The following PLA2G12B variants were observed in gnomAD, a reference collection of about 807,000 sequenced individuals.
PLA2G12B encodes group XIIB secretory phospholipase A2-like protein.
PLA2G12B carries 19 observed loss-of-function variants against 22.3 expected under a neutral mutation model. That is an observed-to-expected ratio of 0.85 (90% CI 0.60 to 1.25). The LOEUF is 1.25. PLA2G12B is among the 50% of genes most tolerant of loss of function. PLA2G12B has a pLI of 0.00. For missense variants in PLA2G12B, 191 were observed against 246.6 expected (o/e 0.77, Z 1.51); for synonymous variants, 81 against 94.9 (o/e 0.85, Z 0.85).
chr10:72,951,321 A>G (rs1258403230), intron 1 of PLA2G12B, among the ~76,000 whole-genome samples: 1 of 152,136 alleles, frequency 6.6e-6, no homozygotes, highest in Non-Finnish European at 1.5e-5. Context: ...TGGTTCAAAG[A>G]CTACCCATTA....
intron 3 of PLA2G12B, among the ~76,000 whole-genome samples, chr10:72,936,123 C>A (rs1334576662): frequency 6.6e-6 from 1 of 152,094 alleles, no homozygotes; most frequent in Admixed American, 6.6e-5. Flanking sequence ...TTTCACTGTT[C>A]AAGTATTGGA....
chr10:72,942,682 G>C lies in PLA2G12B; in HGVS notation c.270C>G (p.Ser90=). The C allele has an allele frequency of 6.2e-7, 1 of 1,607,948 alleles. No homozygotes were observed. The highest frequency in any genetic ancestry group is 8.5e-7 in the Non-Finnish European group (1 of 1,177,344). The part of the protein sequence containing the change: ...YKPQEPNGCG[S]YFLGLKVPES... ...CTGGTACCTTGAGACCCAGGAAATA[G>C]GAGCCGCAGCCATTGGGCTCTTGGG... is the stretch of plus-strand genomic sequence containing the variant. Residue 90 remains serine, a synonymous_variant, in exon 2 of 4, where the codon TCC becomes TCG. Transcript: ENST00000373032.
chr10:72,942,992 G>T (rs1197609023), intron 1 of PLA2G12B, among the ~76,000 whole-genome samples: 5 of 149,822 alleles, frequency 3.3e-5, no homozygotes, highest in African/African-American at 1.2e-4. Context: ...TTGAGACAGG[G>T]TCCCTCTCTG....
chr10:72,945,691 A>T (rs1846429585), intron 1 of PLA2G12B, among the ~76,000 whole-genome samples: 1 of 151,332 alleles, frequency 6.6e-6, no homozygotes, highest in African/African-American at 2.4e-5. Context: ...TCTGTTGCCC[A>T]GGCTGGAGTG....
intron 1 of PLA2G12B, among the ~76,000 whole-genome samples, chr10:72,952,580 C>T (rs1278275910): frequency 6.6e-6 from 1 of 152,176 alleles, no homozygotes; most frequent in Non-Finnish European, 1.5e-5. Flanking sequence ...AAAGAGCAGA[C>T]TCGTTGTTAG....
At chr10:72,950,628 C>A (rs1352949985) in intron 1 of PLA2G12B, among the ~76,000 whole-genome samples, 1 of 152,126 alleles carries the variant, frequency 6.6e-6, no homozygotes, top group East Asian at 1.9e-4. Context: ...TTACAGGGCG[C>A]GCCACCACGC....
chr10:72,949,259 C>A (rs1436017421), intron 1 of PLA2G12B, among the ~76,000 whole-genome samples: 1 of 152,114 alleles, frequency 6.6e-6, no homozygotes, highest in Non-Finnish European at 1.5e-5. Flanking sequence ...TTTTTCCTAT[C>A]TCGGACAGCA....
At position 72,953,612 on chromosome 10, in the gene PLA2G12B, C is replaced by T. The variant is rs76265267; in HGVS notation, c.211+863G>A. Reference sequence around the variant, plus strand: ...ACGTTTTCATGCGCATTGGCAATTACACGATGCCACCCAGCTTCAAGGCCT... The same window carrying T: ...ACGTTTTCATGCGCATTGGCAATTATACGATGCCACCCAGCTTCAAGGCCT... On this transcript the variant is annotated intron_variant, in intron 1 of 3. Coordinates refer to ENST00000373032, the MANE Select transcript of PLA2G12B (RefSeq NM_032562.5). 3.2e-3 allele frequency among the ~76,000 whole-genome samples: 483 copies of T among 152,282 alleles called. 3 individuals carry two copies. The highest frequency in any genetic ancestry group is 0.011 in the African/African-American group (458 of 41,558).
At chr10:72,950,216 C>G (rs773931667) in intron 1 of PLA2G12B, among the ~76,000 whole-genome samples, 3 of 152,150 alleles carry the variant, frequency 2.0e-5, no homozygotes, top group Admixed American at 6.5e-5. Context: ...TACTGAAAGT[C>G]TCACATCCCA....
chr10:72,951,749 G>A (rs576556656), intron 1 of PLA2G12B, among the ~76,000 whole-genome samples: 11 of 152,252 alleles, frequency 7.2e-5, no homozygotes, highest in East Asian at 1.9e-4. Flanking sequence ...ATGAGCCACC[G>A]CACCCAGCTG....
chr10:72,954,789 G>T lies in PLA2G12B; in HGVS notation c.-104C>A. The T allele has an allele frequency of 8.6e-7, 1 of 1,162,474 alleles. No homozygotes were observed. 72.0% of individuals were successfully genotyped at this position (1,162,474 alleles called of 1,614,324 possible). On this transcript the variant is annotated 5_prime_UTR_variant, in exon 1 of 4. Transcript: ENST00000373032. Reference sequence around the variant, plus strand: ...CAGATGTCAGGCAGGACTGGGAAAGGGATTATCTGGAACATTCAATCTGTC... The same window carrying T: ...CAGATGTCAGGCAGGACTGGGAAAGTGATTATCTGGAACATTCAATCTGTC...
chr10:72,949,631 T>C (rs987513648), intron 1 of PLA2G12B, among the ~76,000 whole-genome samples: 12 of 152,214 alleles, frequency 7.9e-5, no homozygotes, highest in Non-Finnish European at 1.6e-4. Flanking sequence ...TAAACTATTA[T>C]AGGCATGGCT....
chr10:72,942,779 T>C (rs1471072288), intron 1 of PLA2G12B, 39 bp from the exon 2 acceptor site: 2 of 1,489,294 alleles, frequency 1.3e-6, no homozygotes, highest in Admixed American at 2.1e-5. Flanking sequence ...AGAAGAAATA[T>C]TTAGAAATCA....
In PLA2G12B at chr10:72,935,203, T is replaced by G. The variant is rs144076627; in HGVS notation, c.*414A>C. The G allele has an allele frequency of 3.1e-5, 5 of 160,282 alleles. No individual in the cohort carries two copies. The East Asian group carries it at 9.2e-4, about 30-fold the overall frequency. The allele number at this position is 160,282 out of a possible 1,614,324, so 9.9% of individuals were successfully genotyped here. A position where few individuals can be genotyped will look rare whatever the true frequency, so the allele number is the denominator to read the frequency against. On this transcript the variant is annotated 3_prime_UTR_variant, in exon 4 of 4. Coordinates refer to ENST00000373032, the MANE Select transcript of PLA2G12B (RefSeq NM_032562.5). ...CAAATGTTCTAAAAAGTACACTTTA[T>G]TAAATGTGAGAAGCTTACTGGCAAC... is the stretch of plus-strand genomic sequence containing the variant.
In PLA2G12B at chr10:72,954,603, T is replaced by C. The variant is rs780950361; in HGVS notation, c.83A>G (p.Glu28Gly). The change falls in exon 1 of 4, where the codon GAG becomes GGG. Residue 28 changes from glutamate (E) to glycine (G), a missense_variant. Physicochemically the swap from Glu to Gly is moderately conservative, Grantham distance 98. Transcript: ENST00000373032. The stretch of plus-strand genomic sequence containing the variant: ...AAGGCCCCAGTCTGAATAGGACTCC[T>C]CCGTGTCAGGGCTCGTGTCGCTCTG... ...LAQSDTSPDTEESYSDWGLRH... is the reference protein window; with the variant it reads ...LAQSDTSPDTGESYSDWGLRH... 14 of 1,614,064 alleles carry C rather than the reference T, an allele frequency of 8.7e-6. No individual in the cohort carries two copies. In the Admixed American group the frequency reaches 1.3e-4, roughly 15 times the overall value.
chr10:72,952,119 G>T (rs1846541073), intron 1 of PLA2G12B, among the ~76,000 whole-genome samples: 1 of 152,222 alleles, frequency 6.6e-6, no homozygotes, highest in South Asian at 2.1e-4. Context: ...TTGGTGCCAG[G>T]TGTTGTTAAA....
At chr10:72,936,282 A>G (rs1846279110) in intron 3 of PLA2G12B, among the ~76,000 whole-genome samples, 1 of 152,222 alleles carries the variant, frequency 6.6e-6, no homozygotes, top group Admixed American at 6.5e-5. Flanking sequence ...GTAAACAGAT[A>G]GCTACACTAC....
chr10:72,952,920 GT>G (rs1252221188), intron 1 of PLA2G12B, among the ~76,000 whole-genome samples: 1 of 152,298 alleles, frequency 6.6e-6, no homozygotes, highest in East Asian at 1.9e-4. Context: ...ATAGGATTTG[GT>G]TCTTGATTTC....
intron 1 of PLA2G12B, among the ~76,000 whole-genome samples, chr10:72,953,649 T>C (rs1280843850): frequency 2.6e-5 from 4 of 152,046 alleles, no homozygotes; most frequent in Non-Finnish European, 5.9e-5. Flanking sequence ...GGGCTCCACA[T>C]TTTGCTCCCC....
Sources: allele counts gnomAD v4.1 joint callset (sites outside exome capture counted in the v4.1 genomes callset), GRCh38; gene constraint gnomAD v4.1.1; transcripts MANE v1.5; gene names NCBI Gene and HGNC (gene_info 2026-07-23, HGNC 2026-07-21).